Variants in PTPN9 observed in about 807,000 individuals in gnomAD.
PTPN9 encodes the protein tyrosine-protein phosphatase non-receptor type 9.
Under a neutral mutation model 69.8 loss-of-function variants are expected in PTPN9, and 26 were observed. That is an observed-to-expected ratio of 0.37 (90% CI 0.27 to 0.52). PTPN9 has a LOEUF of 0.52. PTPN9 is among the 20% of genes least tolerant of loss of function. The probability of loss-of-function intolerance (pLI) is 0.91; values close to 1 mark genes in which losing one functional copy is unlikely to be tolerated. For missense variants in PTPN9, 549 were observed against 740.3 expected, an observed-to-expected ratio of 0.74 and a Z score of 3.00; for synonymous variants, 274 against 272.5, an observed-to-expected ratio of 1.01 and a Z score of -0.05.
intron 1 of PTPN9, among the ~76,000 whole-genome samples, chr15:75,542,400 C>T (rs2075013181): frequency 6.6e-6 from 1 of 152,130 alleles, no homozygotes; most frequent in Non-Finnish European, 1.5e-5. Context: ...GGTTCTGAAA[C>T]CATGGGACTC....
intron 1 of PTPN9, among the ~76,000 whole-genome samples, chr15:75,569,026 G>A (rs1045312461): frequency 2.0e-5 from 3 of 152,116 alleles, no homozygotes; most frequent in Non-Finnish European, 4.4e-5. Flanking sequence ...AGAAAACAGT[G>A]GTTATTTTAG....
intron 9 of PTPN9, among the ~76,000 whole-genome samples, chr15:75,478,792 C>T (rs1196500430): frequency 6.6e-6 from 1 of 152,214 alleles, no homozygotes; most frequent in Non-Finnish European, 1.5e-5. Context: ...GTCCCTTTGT[C>T]CTTTACTGGT....
At chr15:75,529,188 T>C (rs1471863403) in intron 1 of PTPN9, among the ~76,000 whole-genome samples, 1 of 152,054 alleles carries the variant, frequency 6.6e-6, no homozygotes, top group Non-Finnish European at 1.5e-5. Context: ...GGTTTCACCA[T>C]ATTGGCCAGG....
chr15:75,554,265 G>A (rs1159749197), intron 1 of PTPN9, among the ~76,000 whole-genome samples: 1 of 151,656 alleles, frequency 6.6e-6, no homozygotes, highest in African/African-American at 2.4e-5. Flanking sequence ...TGCAATCTTG[G>A]CTCACCACAA....
Position 75,469,436 on chromosome 15 carries a change from G to A in PTPN9, c.1567+356C>T, listed in dbSNP as rs892555911. ...AAAAGCTGCTAACTGGCTCCAGAAT[G>A]GAGAACACAGCACAGGGTGGGGAGT... On this transcript the variant is annotated intron_variant, in intron 12 of 12. Transcript: ENST00000618819. Among the ~76,000 whole-genome samples the A allele has an allele frequency of 3.9e-5, 6 of 152,258 alleles. No homozygotes were observed. In the South Asian group the frequency reaches 1.2e-3, roughly 31 times the overall value.
chr15:75,562,289 T>G (rs2075107294), intron 1 of PTPN9, among the ~76,000 whole-genome samples: 1 of 152,200 alleles, frequency 6.6e-6, no homozygotes, highest in Non-Finnish European at 1.5e-5. Flanking sequence ...CATTAAACAG[T>G]GACATCTTGG....
chr15:75,554,349 C>G (rs545037607), intron 1 of PTPN9, among the ~76,000 whole-genome samples: 2 of 152,152 alleles, frequency 1.3e-5, no homozygotes, highest in South Asian at 4.2e-4. Context: ...CATGCACCAC[C>G]ACGCCCGGCT....
intron 1 of PTPN9, among the ~76,000 whole-genome samples, chr15:75,540,558 AAAAAG>A (rs1438293902): frequency 2.6e-4 from 24 of 92,440 alleles, no homozygotes; most frequent in South Asian, 7.4e-4. Flanking sequence ...AAAAAAAAAA[AAAAAG>A]AAAGAAAGAA....
rs1251019153 is a variant in PTPN9 at position 75,464,382 on chromosome 15, A to G, written c.*4387T>C. ...ATGCCACTCCCCTCTAACCTAGGCA[A>G]CAGAGTGAGACTCTGTCTCTGAAAG... On this transcript the variant is annotated 3_prime_UTR_variant, in exon 13 of 13. Transcript: ENST00000618819. 6.6e-6 allele frequency: 1 copy of G among 152,172 alleles called. No individual in the cohort carries two copies. Among genetic ancestry groups the G allele is most frequent in the Non-Finnish European group, 1.5e-5 (1 of 68,048 alleles). The allele number at this position is 152,172 out of a possible 1,614,324, so 9.4% of individuals were successfully genotyped here. A position where few individuals can be genotyped will look rare whatever the true frequency, so the allele number is the denominator to read the frequency against.
intron 1 of PTPN9, among the ~76,000 whole-genome samples, chr15:75,546,939 A>G (rs145583255): frequency 7.9e-5 from 12 of 152,184 alleles, no homozygotes; most frequent in Middle Eastern, 3.4e-3. Context: ...ACAGAGCACT[A>G]GTCACCCTAC....
At chr15:75,472,669 A>G (rs1036307166) in intron 10 of PTPN9, among the ~76,000 whole-genome samples, 1 of 151,378 alleles carries the variant, frequency 6.6e-6, no homozygotes, top group Non-Finnish European at 1.5e-5. Context: ...GCACGTTCCT[A>G]TAATCTCAGC....
In PTPN9 at chr15:75,556,269, G is replaced by T. The variant is rs552290978; in HGVS notation, c.63+22445C>A. On this transcript the variant is annotated intron_variant, in intron 1 of 12. Transcript: ENST00000618819. ...AGTAGAGACGGGGTTTCACCATGTTGGCCAGGCTGGTCTCGAACTCCTGAC... is the reference window on the plus strand; with the variant it reads ...AGTAGAGACGGGGTTTCACCATGTTTGCCAGGCTGGTCTCGAACTCCTGAC... Among the ~76,000 whole-genome samples, 6 of 151,394 alleles carry T rather than the reference G, an allele frequency of 4.0e-5. No homozygotes were observed. The East Asian group carries it at 1.2e-3, about 29-fold the overall frequency.
rs979541959 is a variant in PTPN9 at position 75,506,061 on chromosome 15, G to A, written c.640-58C>T. 3.0e-6 allele frequency: 4 copies of A among 1,316,492 alleles called. No individual in the cohort carries two copies. In the African/African-American group the frequency reaches 5.9e-5, roughly 19 times the overall value. The allele number at this position is 1,316,492 out of a possible 1,614,324, so 81.6% of individuals were successfully genotyped here. On this transcript the variant is annotated intron_variant, in intron 6 of 12. Coordinates refer to ENST00000618819, the MANE Select transcript of PTPN9 (RefSeq NM_002833.4). ...GGGAGGAGGGAAAGGCATATAGAGT[G>A]ACAAAGAATAAATGTATTTATATCA...
chr15:75,498,431 G>A (rs1223877941), intron 7 of PTPN9, among the ~76,000 whole-genome samples: 1 of 151,558 alleles, frequency 6.6e-6, no homozygotes, highest in Non-Finnish European at 1.5e-5. Context: ...ATAGGGCAAT[G>A]AGGCTGGGCA....
At chr15:75,564,283 G>A (rs968193222) in intron 1 of PTPN9, among the ~76,000 whole-genome samples, 2 of 152,014 alleles carry the variant, frequency 1.3e-5, no homozygotes, top group African/African-American at 4.8e-5. Context: ...AGAAACACTT[G>A]AAGGGGAAAA....
intron 7 of PTPN9, among the ~76,000 whole-genome samples, chr15:75,498,928 A>T (rs898212066): frequency 6.6e-6 from 1 of 152,170 alleles, no homozygotes; most frequent in African/African-American, 2.4e-5. Flanking sequence ...GGGGAAGTCT[A>T]AATCAGATTG....
rs2074550998 is a variant in PTPN9, at chr15:75,469,106, G to C, written c.1568-123C>G. ...CAAAGTGCCTCATGGCAGAAGGCCA[G>C]GTGGCCTTAGGCCTGAAAGGACTCA... On this transcript the variant is annotated intron_variant, in intron 12 of 12. Coordinates refer to ENST00000618819, the MANE Select transcript of PTPN9 (RefSeq NM_002833.4). 1.6e-5 allele frequency: 14 copies of C among 884,560 alleles called. No homozygotes were observed. The South Asian group carries it at 2.4e-4, about 15-fold the overall frequency. 54.8% of individuals were successfully genotyped at this position (884,560 alleles called of 1,614,324 possible).
chr15:75,505,146 C>G (rs1043269504), intron 7 of PTPN9, among the ~76,000 whole-genome samples: 1 of 151,580 alleles, frequency 6.6e-6, no homozygotes, highest in African/African-American at 2.4e-5. Flanking sequence ...TCCTGTTGAT[C>G]GGTGACCTTA....
At chr15:75,558,922 C>T (rs1317999801) in intron 1 of PTPN9, among the ~76,000 whole-genome samples, 1 of 152,102 alleles carries the variant, frequency 6.6e-6, no homozygotes, top group Non-Finnish European at 1.5e-5. Flanking sequence ...CCCAAAGTGC[C>T]GAGATTGCAG....
Sources: gnomAD v4.1 joint callset for allele counts (sites outside exome capture counted in the v4.1 genomes callset) on GRCh38, gnomAD v4.1.1 for gene constraint, MANE v1.5 for transcripts, NCBI Gene and HGNC (gene_info 2026-07-23, HGNC 2026-07-21) for gene names.